Variants in SDHC observed in about 807,000 individuals in gnomAD.
SDHC encodes succinate dehydrogenase complex subunit C.
A neutral mutation model predicts 22.6 loss-of-function variants in SDHC; 11 were observed. That is an observed-to-expected ratio of 0.49 (90% CI 0.31 to 0.81). SDHC has a LOEUF of 0.81. SDHC is among the 30% of genes least tolerant of loss of function. The pLI is 0.05. For synonymous variants in SDHC, 80 were observed against 77.8 expected (o/e 1.03, Z -0.15); for missense variants, 160 against 212.0 (o/e 0.75, Z 1.52).
intron 3 of SDHC, 46 bp from the exon 4 acceptor site, chr1:161,340,546 GGT>G: frequency 1.3e-6 from 2 of 1,495,414 alleles, no homozygotes; most frequent in Non-Finnish European, 1.9e-6. Context: ...TCTCTACTAT[GGT>G]GTCATCTTTT....
In SDHC at chr1:161,355,927, T is replaced by G. The variant is rs192558631; in HGVS notation, c.242-750T>G. Reference sequence around the variant, plus strand: ...TGAACCCAGGAGGCGGAGGTTGCAGTGAGCTGAGATCACGCTTACTGCACT... The same window carrying G: ...TGAACCCAGGAGGCGGAGGTTGCAGGGAGCTGAGATCACGCTTACTGCACT... On this transcript the variant is annotated intron_variant, in intron 4 of 5. Transcript: ENST00000367975. Among the ~76,000 whole-genome samples the G allele has an allele frequency of 4.0e-4, 58 of 144,672 alleles. No individual in the cohort carries two copies. The East Asian group carries it at 0.011, about 27-fold the overall frequency. The allele number at this position is 144,672 out of a possible 152,430, so 94.9% of individuals were successfully genotyped here.
intron 4 of SDHC, among the ~76,000 whole-genome samples, chr1:161,344,091 C>A (rs1009786672): frequency 5.9e-5 from 9 of 151,866 alleles, no homozygotes; most frequent in African/African-American, 2.2e-4. Flanking sequence ...TCGAGACCAT[C>A]CTGGCTAACA....
At chr1:161,356,424 C>T (rs926174848) in intron 4 of SDHC, among the ~76,000 whole-genome samples, 1 of 151,992 alleles carries the variant, frequency 6.6e-6, no homozygotes, top group African/African-American at 2.4e-5. Flanking sequence ...CTGTCATCCC[C>T]ACTACTCAGG....
chr1:161,355,975 ACT>A (rs1474626589), intron 4 of SDHC, among the ~76,000 whole-genome samples: 1 of 132,430 alleles, frequency 7.6e-6, no homozygotes, highest in Non-Finnish European at 1.6e-5. Flanking sequence ...ACAGAGCGAG[ACT>A]CTGTCTCAAA....
At chr1:161,331,197 C>G (rs1323478335) in intron 3 of SDHC, among the ~76,000 whole-genome samples, 1 of 151,920 alleles carries the variant, frequency 6.6e-6, no homozygotes, top group Non-Finnish European at 1.5e-5. Context: ...ATATTCTGCC[C>G]TTTCAATCTT....
At chr1:161,359,466 CT>C (rs1489739023) in intron 5 of SDHC, among the ~76,000 whole-genome samples, 1 of 152,192 alleles carries the variant, frequency 6.6e-6, no homozygotes, top group Non-Finnish European at 1.5e-5. Context: ...CCATTAATGA[CT>C]TCCTATTCCA....
chr1:161,321,214 G>A (rs1670824564), intron 1 of SDHC, among the ~76,000 whole-genome samples: 1 of 152,148 alleles, frequency 6.6e-6, no homozygotes, highest in Admixed American at 6.5e-5. Flanking sequence ...TTTCAGCAAT[G>A]ATTACATTTT....
At chr1:161,331,272 C>T (rs899785098) in intron 3 of SDHC, among the ~76,000 whole-genome samples, 3 of 147,436 alleles carry the variant, frequency 2.0e-5, no homozygotes, top group Admixed American at 6.8e-5. Flanking sequence ...AATGAATATC[C>T]TTTTTTTTTT....
intron 1 of SDHC, among the ~76,000 whole-genome samples, chr1:161,316,066 C>T (rs935954036): frequency 6.6e-6 from 1 of 152,176 alleles, no homozygotes; most frequent in Non-Finnish European, 1.5e-5. Context: ...CCATCTCCAG[C>T]CCTAAGGCGG....
At chr1:161,349,894 CT>C (rs1672044297) in intron 4 of SDHC, among the ~76,000 whole-genome samples, 1 of 151,948 alleles carries the variant, frequency 6.6e-6, no homozygotes, top group Admixed American at 6.6e-5. Context: ...TGGATAATAC[CT>C]TTTTTTTCTC....
chr1:161,351,727 G>T (rs150773664), intron 4 of SDHC, among the ~76,000 whole-genome samples: 113 of 152,328 alleles, frequency 7.4e-4, no homozygotes, highest in Non-Finnish European at 1.2e-3. Flanking sequence ...AAGAGAGGTT[G>T]TGGGGAAGCA....
intron 3 of SDHC, among the ~76,000 whole-genome samples, chr1:161,334,559 C>T (rs983131413): frequency 6.6e-6 from 1 of 152,138 alleles, no homozygotes; most frequent in Non-Finnish European, 1.5e-5. Flanking sequence ...CCAGGTCAGC[C>T]TCCCAAGTAC....
chr1:161,353,311 A>G (rs991265733), intron 4 of SDHC, among the ~76,000 whole-genome samples: 1 of 152,166 alleles, frequency 6.6e-6, no homozygotes, highest in Non-Finnish European at 1.5e-5. Context: ...TATTTGATGC[A>G]TAGATCAGGG....
intron 1 of SDHC, among the ~76,000 whole-genome samples, chr1:161,315,975 A>C (rs953100431): frequency 6.6e-6 from 1 of 152,022 alleles, no homozygotes; most frequent in Non-Finnish European, 1.5e-5. Flanking sequence ...TCATAAGGTA[A>C]AGAATTAAGT....
chr1:161,352,932 G>A (rs1030871946), intron 4 of SDHC, among the ~76,000 whole-genome samples: 2 of 152,216 alleles, frequency 1.3e-5, no homozygotes, highest in East Asian at 3.9e-4. Flanking sequence ...AGCTGAGATC[G>A]TGCCACCGCA....
rs868596979 is a variant in SDHC at position 161,356,801 on chromosome 1, C to T, written c.366C>T (p.Phe122=). ...LIHTAKFALV[F]PLMYHTWNGI... ...ACACAGCTAAGTTTGCACTTGTCTT[C>T]CCTCTCATGTATCATACCTGGAATG... Residue 122 remains phenylalanine (F), a synonymous_variant, in exon 5 of 6, where the codon TTC becomes TTT. Coordinates refer to ENST00000367975, the MANE Select transcript of SDHC (RefSeq NM_003001.5). 1.2e-6 allele frequency: 2 copies of T among 1,614,148 alleles called. No homozygotes were observed. The highest frequency in any genetic ancestry group is 1.7e-6 in the Non-Finnish European group (2 of 1,180,026).
intron 3 of SDHC, among the ~76,000 whole-genome samples, chr1:161,332,885 G>A (rs1180973448): frequency 6.6e-6 from 1 of 152,044 alleles, no homozygotes; most frequent in Non-Finnish European, 1.5e-5. Context: ...TGCCTGCCTT[G>A]GCCTCCCAAA....
At chr1:161,326,479 G>C (rs1296772919) in intron 2 of SDHC, among the ~76,000 whole-genome samples, 3 of 149,328 alleles carry the variant, frequency 2.0e-5, no homozygotes, top group Admixed American at 6.7e-5. Flanking sequence ...TATATAGTAG[G>C]GTGTCCTCAG....
At chr1:161,362,249 G>A (rs2102384308) in intron 5 of SDHC, 80 bp from the exon 6 acceptor site, 1 of 1,492,416 alleles carries the variant, frequency 6.7e-7, no homozygotes, top group Non-Finnish European at 9.2e-7. Context: ...ATTCCTTTAG[G>A]TAGAATTACT....
Sources: gnomAD v4.1 joint callset for allele counts (sites outside exome capture counted in the v4.1 genomes callset) on GRCh38, gnomAD v4.1.1 for gene constraint, MANE v1.5 for transcripts, NCBI Gene and HGNC (gene_info 2026-07-23, HGNC 2026-07-21) for gene names.